CCDC102B: variants seen among roughly 807,000 people sequenced by gnomAD.
CCDC102B encodes the protein coiled-coil domain-containing protein 102B.
Under a neutral mutation model 57.4 loss-of-function variants are expected in CCDC102B, and 75 were observed. The ratio of observed to expected loss-of-function variants is 1.31; its 90% confidence interval spans 1.08 to 1.58. The LOEUF (loss-of-function observed/expected upper bound fraction) is 1.58, where lower values mean the gene tolerates loss of function less well. Ranked by LOEUF, CCDC102B falls within the 40% of genes most tolerant of loss-of-function variation. The pLI is 0.00. For missense variants in CCDC102B, 636 were observed against 582.6 expected (o/e 1.09, Z -0.94); for synonymous variants, 206 against 201.9 (o/e 1.02, Z -0.17).
intron 7 of CCDC102B, among the ~76,000 whole-genome samples, chr18:69,018,998 T>G (rs1365389985): frequency 6.6e-6 from 1 of 152,124 alleles, no homozygotes; most frequent in Non-Finnish European, 1.5e-5. Flanking sequence ...AACTGTCATT[T>G]GCTCATTGTA....
chr18:68,732,638 C>T (rs371337217), intron 2 of CCDC102B, among the ~76,000 whole-genome samples: 94 of 152,252 alleles, frequency 6.2e-4, no homozygotes, highest in African/African-American at 1.8e-3. Flanking sequence ...TGACCCACAG[C>T]GCCCGGCCTA....
At chr18:68,867,699 C>T (rs919168633) in intron 4 of CCDC102B, among the ~76,000 whole-genome samples, 1 of 152,066 alleles carries the variant, frequency 6.6e-6, no homozygotes, top group African/African-American at 2.4e-5. Context: ...CTTTGGGAGG[C>T]CGAGGCGGGC....
In CCDC102B at chr18:69,054,735, T is replaced by C. The variant is rs2052786951; in HGVS notation, c.*598T>C. 1 of 985,270 alleles carries C rather than the reference T, an allele frequency of 1.0e-6. No homozygotes were observed. The allele number at this position is 985,270 out of a possible 1,614,324, so 61.0% of individuals were successfully genotyped here. A position where few individuals can be genotyped will look rare whatever the true frequency, so the allele number is the denominator to read the frequency against. On this transcript the variant is annotated 3_prime_UTR_variant, in exon 8 of 8. Coordinates refer to ENST00000360242, the MANE Select transcript of CCDC102B (RefSeq NM_024781.3). ...TTTTAAAGTAACAGATAACCAGTGATTGAATCTAAGACAGGCTGTAAGCAT... is the reference window on the plus strand; with the variant it reads ...TTTTAAAGTAACAGATAACCAGTGACTGAATCTAAGACAGGCTGTAAGCAT...
chr18:68,962,747 G>A (rs2050075099), intron 6 of CCDC102B, among the ~76,000 whole-genome samples: 1 of 152,016 alleles, frequency 6.6e-6, no homozygotes, highest in African/African-American at 2.4e-5. Context: ...TTATGAATAT[G>A]TCTATATCCA....
At chr18:68,765,378 A>T (rs970973876) in intron 2 of CCDC102B, among the ~76,000 whole-genome samples, 2 of 132,502 alleles carry the variant, frequency 1.5e-5, no homozygotes, top group African/African-American at 5.8e-5. Context: ...AGAAAGAAAG[A>T]AAAGAAAGAA....
At chr18:69,015,438 T>C (rs568245509) in intron 7 of CCDC102B, among the ~76,000 whole-genome samples, 1 of 152,344 alleles carries the variant, frequency 6.6e-6, no homozygotes, top group South Asian at 2.1e-4. Context: ...AATTTTACTT[T>C]AAATAGCTAT....
intron 6 of CCDC102B, among the ~76,000 whole-genome samples, chr18:68,932,769 G>A (rs1338554016): frequency 6.6e-6 from 1 of 151,876 alleles, no homozygotes; most frequent in Non-Finnish European, 1.5e-5. Flanking sequence ...AAACCAATCT[G>A]TACCTTAATT....
intron 6 of CCDC102B, among the ~76,000 whole-genome samples, chr18:68,992,480 C>T (rs73967751): frequency 0.017 from 2,576 of 152,176 alleles, 83 homozygotes; most frequent in African/African-American, 0.058. Flanking sequence ...TCGAATCGCC[C>T]GGAAGATTTT....
chr18:69,017,253 T>A (rs1438892849), intron 7 of CCDC102B, among the ~76,000 whole-genome samples: 1 of 152,026 alleles, frequency 6.6e-6, no homozygotes, highest in Non-Finnish European at 1.5e-5. Context: ...ATAGCTGGGA[T>A]TATAGGTGCT....
At chr18:68,848,668 C>G (rs954405397) in intron 4 of CCDC102B, among the ~76,000 whole-genome samples, 1 of 152,038 alleles carries the variant, frequency 6.6e-6, no homozygotes, top group Non-Finnish European at 1.5e-5. Flanking sequence ...AATACTTACT[C>G]AGCTTTTCCT....
At chr18:68,773,363 G>A (rs1416588861) in intron 2 of CCDC102B, among the ~76,000 whole-genome samples, 2 of 151,948 alleles carry the variant, frequency 1.3e-5, no homozygotes, top group African/African-American at 4.8e-5. Flanking sequence ...CAAGAAGTTA[G>A]TTTGCTTCAT....
rs972247699 is a variant in CCDC102B, at chr18:68,836,821, C to T, written c.58C>T (p.Gln20Ter). 11 of 1,613,738 alleles carry T rather than the reference C, an allele frequency of 6.8e-6. No individual in the cohort carries two copies. The African/African-American group carries it at 9.3e-5, about 14-fold the overall frequency. Reference protein sequence around the residue: ...IEETQIFQMQQSSIKSRGDMV... With the variant: ...IEETQIFQMQ ...GGAAACACAGATCTTCCAGATGCAA[C>T]AATCATCAATTAAGTCACGCGGCGA... Residue 20 changes from glutamine to a stop codon, truncating the protein, a stop_gained, in exon 2 of 8, where the codon CAA (glutamine) becomes TAA (stop). Coordinates refer to ENST00000360242, the MANE Select transcript of CCDC102B (RefSeq NM_024781.3). LOFTEE classifies it high-confidence loss of function.
rs76927313 is a variant in CCDC102B, at chr18:68,999,828, G to A, written c.1264-11106G>A. ...ACTTGGTCTAGAGAATAGAAATAGT[G>A]ACACTTTTGTTCATTTTTTTCATAC... On this transcript the variant is annotated intron_variant, in intron 6 of 7. Transcript: ENST00000360242. 5.1e-3 allele frequency among the ~76,000 whole-genome samples: 779 copies of A among 152,252 alleles called. 45 individuals are homozygous for A. In the East Asian group the frequency reaches 0.11, roughly 21 times the overall value.
intron 6 of CCDC102B, among the ~76,000 whole-genome samples, chr18:68,993,583 A>AT (rs2050935319): frequency 6.6e-6 from 1 of 152,220 alleles, no homozygotes; most frequent in Admixed American, 6.5e-5. Context: ...TAAATGACCG[A>AT]TTTTATCCTA....
chr18:68,967,713 G>A (rs1176401373), intron 6 of CCDC102B, among the ~76,000 whole-genome samples: 3 of 152,166 alleles, frequency 2.0e-5, no homozygotes, highest in African/African-American at 7.2e-5. Context: ...ATGCTGTATT[G>A]TATTAATTCC....
intron 2 of CCDC102B, among the ~76,000 whole-genome samples, chr18:68,723,836 G>A (rs550439170): frequency 8.5e-5 from 13 of 152,308 alleles, no homozygotes; most frequent in Non-Finnish European, 1.3e-4. Context: ...GAGGATGGAG[G>A]CCCTCTTCTC....
intron 4 of CCDC102B, among the ~76,000 whole-genome samples, chr18:68,865,483 A>G (rs9953312): frequency 0.027 from 4,096 of 152,256 alleles, 191 homozygotes; most frequent in African/African-American, 0.092. Flanking sequence ...CCATCTCCCT[A>G]TAATTCCTCA....
intron 1 of CCDC102B, among the ~76,000 whole-genome samples, chr18:68,809,995 CAA>C (rs1465802614): frequency 6.6e-6 from 1 of 152,088 alleles, no homozygotes; most frequent in Non-Finnish European, 1.5e-5. Context: ...GAAGTAAAGA[CAA>C]ATGAAAATAG....
intron 1 of CCDC102B, among the ~76,000 whole-genome samples, chr18:68,822,031 A>C (rs1050188099): frequency 5.3e-5 from 8 of 152,164 alleles, no homozygotes; most frequent in African/African-American, 1.7e-4. Flanking sequence ...TAAAATTATA[A>C]ATTGGAATAC....
Sources: gnomAD v4.1 joint callset for allele counts (sites outside exome capture counted in the v4.1 genomes callset) on GRCh38, gnomAD v4.1.1 for gene constraint, MANE v1.5 for transcripts, NCBI Gene and HGNC (gene_info 2026-07-23, HGNC 2026-07-21) for gene names.